PDE8B: variants seen among roughly 807,000 people sequenced by gnomAD.
PDE8B encodes the protein phosphodiesterase 8B.
In PDE8B, 26 loss-of-function variants were observed where a neutral mutation model predicts 101.3. The ratio of observed to expected loss-of-function variants is 0.26; its 90% CI spans 0.19 to 0.36. PDE8B has a LOEUF of 0.36. Among genes scored for constraint, PDE8B ranks in the 10% least tolerant of loss-of-function variants. PDE8B has a pLI of 1.00. For missense variants in PDE8B, 810 were observed against 1,163.1 expected, an observed-to-expected ratio of 0.70 and a Z score of 4.42; for synonymous variants, 424 against 429.3, an observed-to-expected ratio of 0.99 and a Z score of 0.15.
intron 6 of PDE8B, among the ~76,000 whole-genome samples, chr5:77,343,350 C>G (rs1779559545): frequency 6.6e-6 from 1 of 152,180 alleles, no homozygotes; most frequent in Admixed American, 6.5e-5. Flanking sequence ...CGTGGTATAG[C>G]TTACTACACA....
At chr5:77,404,395 T>A (rs1792971997) in intron 11 of PDE8B, among the ~76,000 whole-genome samples, 1 of 152,218 alleles carries the variant, frequency 6.6e-6, no homozygotes, top group African/African-American at 2.4e-5. Context: ...CCCAAAGTGC[T>A]GGGATTACAG....
At chr5:77,386,731 AT>A (rs950614736) in intron 10 of PDE8B, among the ~76,000 whole-genome samples, 5 of 151,898 alleles carry the variant, frequency 3.3e-5, no homozygotes, top group Admixed American at 1.3e-4. Flanking sequence ...TCTTCATCCA[AT>A]TTGCCAGTCT....
chr5:77,095,511 CTT>C, the PDE8B span, among the ~76,000 whole-genome samples: 1 of 152,096 alleles, frequency 6.6e-6, no homozygotes, highest in African/African-American at 2.4e-5. Context: ...TGAGTAGAAA[CTT>C]TGCTCAACTA....
intron 1 of PDE8B, among the ~76,000 whole-genome samples, chr5:77,244,392 T>C (rs1352691134): frequency 6.6e-6 from 1 of 151,976 alleles, no homozygotes; most frequent in Non-Finnish European, 1.5e-5. Flanking sequence ...GGGTCACGTA[T>C]AGAGATGGGA....
the PDE8B span, chr5:77,087,798 A>C: frequency 6.6e-6 from 1 of 152,458 alleles, no homozygotes; most frequent in East Asian, 1.9e-4. Context: ...AGAAGGGGGA[A>C]GTCCAGATAT....
At chr5:77,422,967 A>C (rs79613634) in intron 20 of PDE8B, among the ~76,000 whole-genome samples, 1 of 152,182 alleles carries the variant, frequency 6.6e-6, no homozygotes, top group Non-Finnish European at 1.5e-5. Context: ...TCCATGGCTC[A>C]AGTAGTAAAC....
chr5:77,405,179 T>A (rs1340062700), intron 12 of PDE8B, among the ~76,000 whole-genome samples: 1 of 152,254 alleles, frequency 6.6e-6, no homozygotes, highest in Non-Finnish European at 1.5e-5. Context: ...ACCAGCTATA[T>A]GCACTCACTT....
intron 1 of PDE8B, among the ~76,000 whole-genome samples, chr5:77,288,129 A>C (rs1323446969): frequency 6.6e-6 from 1 of 152,192 alleles, no homozygotes; most frequent in Non-Finnish European, 1.5e-5. Context: ...GAGATGAGTC[A>C]AAGAACCATT....
chr5:77,415,684 G>C (rs1795392890), intron 17 of PDE8B, among the ~76,000 whole-genome samples: 2 of 152,064 alleles, frequency 1.3e-5, no homozygotes, highest in South Asian at 4.2e-4. Context: ...ATGTCACTAT[G>C]ACAAAGCATG....
intron 5 of PDE8B, among the ~76,000 whole-genome samples, chr5:77,332,620 C>G (rs151101649): frequency 0.021 from 3,202 of 152,210 alleles, 35 homozygotes; most frequent in Middle Eastern, 0.041. Context: ...GGCAGATCAC[C>G]TGAGGTTGGG....
intron 10 of PDE8B, among the ~76,000 whole-genome samples, chr5:77,379,350 T>G (rs1451426259): frequency 6.6e-6 from 1 of 152,236 alleles, no homozygotes; most frequent in African/African-American, 2.4e-5. Context: ...TAATCTTGTG[T>G]AATCCTAGAA....
At position 77,379,259 on chromosome 5, in the gene PDE8B, C is replaced by T. The variant is rs561074324; in HGVS notation, c.1168-20989C>T. Among the ~76,000 whole-genome samples the T allele has an allele frequency of 3.3e-5, 5 of 152,276 alleles. No individual in the cohort carries two copies. In the East Asian group the frequency reaches 7.7e-4, roughly 23 times the overall value. The stretch of plus-strand genomic sequence containing the variant: ...AATTTTTCAAAGAAAATATATCTAA[C>T]AGCAGAAGAAGATAAATCTCTGCTT... On this transcript the variant is annotated intron_variant, in intron 10 of 21. Transcript: ENST00000264917.
intron 4 of PDE8B, among the ~76,000 whole-genome samples, chr5:77,329,930 T>A (rs1201243665): frequency 6.6e-6 from 1 of 152,110 alleles, no homozygotes; most frequent in African/African-American, 2.4e-5. Context: ...GGCTGCAAAG[T>A]CTTACCCTCA....
the PDE8B span, among the ~76,000 whole-genome samples, chr5:77,109,582 A>C: frequency 2.0e-5 from 3 of 152,194 alleles, no homozygotes; most frequent in African/African-American, 7.2e-5. Flanking sequence ...GCTCAAGCCC[A>C]TCTCTACCTG....
intron 1 of PDE8B, chr5:77,246,744 C>G (rs943820480): frequency 2.0e-5 from 3 of 152,160 alleles, no homozygotes; most frequent in Non-Finnish European, 4.4e-5. Flanking sequence ...GTTTGCCAAT[C>G]CCTGGTCTAC....
chr5:77,228,633 T>C (rs999404841), intron 1 of PDE8B, among the ~76,000 whole-genome samples: 9 of 152,108 alleles, frequency 5.9e-5, no homozygotes, highest in Admixed American at 5.2e-4. Flanking sequence ...AGGACCACCA[T>C]CCAAGTAGTT....
chr5:77,389,408 C>A (rs1431198624), intron 10 of PDE8B, among the ~76,000 whole-genome samples: 1 of 152,168 alleles, frequency 6.6e-6, no homozygotes, highest in South Asian at 2.1e-4. Flanking sequence ...ACCCACTGCC[C>A]AACCAGTCCC....
In PDE8B at chr5:77,417,228, G is replaced by T. The variant is rs568307860; in HGVS notation, c.1912-1001G>T. ...GTTACTTTATCAGATAGCACAAATA[G>T]AACGCATTCCTGTCATGGCAAAAAA... On this transcript the variant is annotated intron_variant, in intron 17 of 21. Transcript: ENST00000264917. Among the ~76,000 whole-genome samples the T allele has an allele frequency of 2.6e-5, 4 of 152,278 alleles. No individual in the cohort carries two copies. The South Asian group carries it at 6.2e-4, about 24-fold the overall frequency.
the PDE8B span, chr5:77,144,465 G>A: frequency 1.3e-5 from 2 of 152,182 alleles, no homozygotes. Context: ...GAGTCATAGG[G>A]ACGGTGTCCG....
Sources: allele counts gnomAD v4.1 joint callset (sites outside exome capture counted in the v4.1 genomes callset), GRCh38; gene constraint gnomAD v4.1.1; transcripts MANE v1.5; gene names NCBI Gene and HGNC (gene_info 2026-07-23, HGNC 2026-07-21).